UMAD1: variants seen among roughly 807,000 people sequenced by gnomAD.
UMAD1 encodes the protein UBAP1-MVB12-associated (UMA) domain containing 1, also known as UBAP1-MVB12-associated (UMA)-domain containing protein 1.
UMAD1 carries 8 observed loss-of-function variants against 6.1 expected under a neutral mutation model. The observed-to-expected ratio is 1.30, with a 90% confidence interval of 0.76 to 2.35. The LOEUF (loss-of-function observed/expected upper bound fraction) is 2.35, where lower values mean the gene tolerates loss of function less well. Ranked by LOEUF, UMAD1 falls within the 30% of genes most tolerant of loss-of-function variation. The pLI is 0.00. For synonymous variants in UMAD1, 56 were observed against 31.4 expected, an observed-to-expected ratio of 1.78 and a Z score of -2.61; for missense variants, 130 against 78.4, an observed-to-expected ratio of 1.66 and a Z score of -2.49.
chr7:7,701,951 T>A (rs1160362717), intron 2 of UMAD1, among the ~76,000 whole-genome samples: 1 of 152,244 alleles, frequency 6.6e-6, no homozygotes, highest in Non-Finnish European at 1.5e-5. Context: ...GTTTCTGACC[T>A]CTTTTCTCTT....
At chr7:7,745,202 G>T (rs1046192559) in intron 2 of UMAD1, among the ~76,000 whole-genome samples, 16 of 152,140 alleles carry the variant, frequency 1.1e-4, no homozygotes, top group Admixed American at 3.9e-4. Context: ...GCTGTGAGTA[G>T]GGTGAAGAGG....
intron 3 of UMAD1, among the ~76,000 whole-genome samples, chr7:7,854,355 CAAAAAAAAAA>C (rs34829393): frequency 4.1e-5 from 2 of 49,166 alleles, no homozygotes; most frequent in South Asian, 1.0e-3. Flanking sequence ...AGCTCCATCT[CAAAAAAAAAA>C]AAAAAAAAAA....
intron 3 of UMAD1, among the ~76,000 whole-genome samples, chr7:7,815,987 G>A (rs912679600): frequency 7.9e-5 from 12 of 152,100 alleles, no homozygotes; most frequent in African/African-American, 2.4e-4. Flanking sequence ...TTAGGGCCAC[G>A]AAGTCTTTGA....
intron 2 of UMAD1, among the ~76,000 whole-genome samples, chr7:7,698,557 T>C (rs1034932652): frequency 2.0e-5 from 3 of 151,352 alleles, no homozygotes; most frequent in Non-Finnish European, 4.4e-5. Context: ...TTTTCTTTTC[T>C]TTTTTTTTGT....
intron 3 of UMAD1, among the ~76,000 whole-genome samples, chr7:7,835,309 C>A (rs1220107406): frequency 6.6e-6 from 1 of 150,800 alleles, no homozygotes; most frequent in South Asian, 2.1e-4. Context: ...CTTTTATCAA[C>A]AGCAAAAATG....
intron 2 of UMAD1, among the ~76,000 whole-genome samples, chr7:7,737,696 A>T (rs1166706860): frequency 6.6e-6 from 1 of 152,126 alleles, no homozygotes; most frequent in Non-Finnish European, 1.5e-5. Flanking sequence ...TTATATTTTC[A>T]CCCATCAAAA....
chr7:7,833,744 A>C (rs529028454), intron 3 of UMAD1, among the ~76,000 whole-genome samples: 1 of 152,328 alleles, frequency 6.6e-6, no homozygotes, highest in Middle Eastern at 3.4e-3. Context: ...TATATGCTAA[A>C]TATACAAAAC....
chr7:7,759,207 G>T (rs1781838554), intron 2 of UMAD1, among the ~76,000 whole-genome samples: 2 of 152,214 alleles, frequency 1.3e-5, no homozygotes, highest in African/African-American at 4.8e-5. Flanking sequence ...GAGGACAAAA[G>T]TGTATGTAGT....
intron 3 of UMAD1, among the ~76,000 whole-genome samples, chr7:7,848,056 C>T (rs902253480): frequency 1.3e-5 from 2 of 152,094 alleles, no homozygotes; most frequent in African/African-American, 2.4e-5. Flanking sequence ...TTGAAAGATA[C>T]CTGTAGAAGC....
intron 1 of UMAD1, among the ~76,000 whole-genome samples, chr7:7,667,489 C>T (rs769976648): frequency 1.3e-5 from 2 of 152,124 alleles, no homozygotes; most frequent in Non-Finnish European, 2.9e-5. Context: ...TAAGGATTGC[C>T]TCAGAAATAT....
At chr7:7,707,985 C>A (rs1780647712) in intron 2 of UMAD1, among the ~76,000 whole-genome samples, 1 of 152,170 alleles carries the variant, frequency 6.6e-6, no homozygotes, top group East Asian at 1.9e-4. Context: ...CTTTAGTTGT[C>A]ACTTTTTTAA....
At chr7:7,857,145 A>G (rs144382884) in intron 3 of UMAD1, among the ~76,000 whole-genome samples, 1 of 152,224 alleles carries the variant, frequency 6.6e-6, no homozygotes, top group African/African-American at 2.4e-5. Context: ...TAAAAAATCA[A>G]CTGTACTCTT....
intron 2 of UMAD1, among the ~76,000 whole-genome samples, chr7:7,677,707 T>C (rs1779781864): frequency 7.0e-6 from 1 of 141,864 alleles, no homozygotes; most frequent in Non-Finnish European, 1.5e-5. Context: ...GGAGTCTCGC[T>C]CTGTCGCCCA....
intron 3 of UMAD1, among the ~76,000 whole-genome samples, chr7:7,814,067 T>G (rs990981309): frequency 6.6e-6 from 1 of 152,206 alleles, no homozygotes; most frequent in Non-Finnish European, 1.5e-5. Context: ...CACTGCAACT[T>G]CCGCCTCCCA....
At chr7:7,683,945 T>C (rs543861762) in intron 2 of UMAD1, among the ~76,000 whole-genome samples, 66 of 152,292 alleles carry the variant, frequency 4.3e-4, no homozygotes, top group Non-Finnish European at 9.1e-4. Context: ...CTATGAGTAA[T>C]ATACAGTTTT....
intron 2 of UMAD1, among the ~76,000 whole-genome samples, chr7:7,778,318 G>T (rs1782268507): frequency 6.7e-6 from 1 of 150,084 alleles, no homozygotes; most frequent in East Asian, 2.0e-4. Context: ...GCGTAAATAT[G>T]GCAAAGTTTA....
At chr7:7,726,319 G>A (rs1781137091) in intron 2 of UMAD1, among the ~76,000 whole-genome samples, 1 of 152,150 alleles carries the variant, frequency 6.6e-6, no homozygotes, top group East Asian at 1.9e-4. Flanking sequence ...TCTGACCAAG[G>A]CACTCACTTT....
intron 3 of UMAD1, among the ~76,000 whole-genome samples, chr7:7,818,316 T>C (rs150161163): frequency 6.6e-6 from 1 of 152,330 alleles, no homozygotes; most frequent in Non-Finnish European, 1.5e-5. Flanking sequence ...TATGGTCTTG[T>C]TCTTTTTTAT....
rs112774437 is a variant in UMAD1, at chr7:7,861,572, T to A, written c.157-15709T>A. Among the ~76,000 whole-genome samples, 6 of 152,344 alleles carry A rather than the reference T, an allele frequency of 3.9e-5. 1 individual carries two copies. In the South Asian group the frequency reaches 6.2e-4, roughly 16 times the overall value. ...AGTAACACTATCACTCATACGCCCA[T>A]TGGAATTTAATTAGTCTACCCTCAT... On this transcript the variant is annotated intron_variant, in intron 3 of 3. Coordinates refer to ENST00000682710, the MANE Select transcript of UMAD1 (RefSeq NM_001302348.2).
Sources: allele counts gnomAD v4.1 joint callset (sites outside exome capture counted in the v4.1 genomes callset), GRCh38; gene constraint gnomAD v4.1.1; transcripts MANE v1.5; gene names NCBI Gene and HGNC (gene_info 2026-07-23, HGNC 2026-07-21).